TOX4: variants seen among roughly 807,000 people sequenced by gnomAD.
TOX4 encodes the protein TOX high mobility group box family member 4.
Under a neutral mutation model 61.0 loss-of-function variants are expected in TOX4, and 12 were observed. The observed-to-expected ratio is 0.20, with a 90% CI of 0.13 to 0.32. TOX4 has a LOEUF of 0.32. Ranked by LOEUF, TOX4 falls within the 10% of genes least tolerant of loss-of-function variation. The pLI is 1.00. For missense variants in TOX4, 499 were observed against 753.3 expected (o/e 0.66, Z 3.95); for synonymous variants, 268 against 274.8 (o/e 0.98, Z 0.24).
chr14:21,478,352 G>A (rs1309457411), intron 2 of TOX4, among the ~76,000 whole-genome samples: 1 of 152,212 alleles, frequency 6.6e-6, no homozygotes, highest in Non-Finnish European at 1.5e-5. Flanking sequence ...AAAGAGTTGA[G>A]TAGGACATGT....
chr14:21,488,395 G>T (rs1043845478), intron 3 of TOX4, 195 bp from the exon 4 acceptor site: 2 of 616,514 alleles, frequency 3.2e-6, no homozygotes, highest in Admixed American at 3.2e-5. Context: ...TGAGTGCAAA[G>T]AAGTAAATTC....
chr14:21,493,053 A>G lies in TOX4; in HGVS notation c.1437A>G (p.Lys479=). 1 of 1,614,006 alleles carries G rather than the reference A, an allele frequency of 6.2e-7. No homozygotes were observed. ...LQAMQQPPPQ[K]VRINLQQQPP... ...CCATGCAACAGCCTCCACCTCAGAA[A>G]GTTCGAATCAATTTACAGCAACAGC... The change falls in exon 7 of 9, where the codon AAA becomes AAG. Residue 479 remains lysine, a synonymous_variant. Transcript: ENST00000448790.
In TOX4 at chr14:21,496,955, G is replaced by A. The variant is rs141882545; in HGVS notation, c.*349G>A. On this transcript the variant is annotated 3_prime_UTR_variant, in exon 9 of 9. Transcript: ENST00000448790. ...TTGCCTAAAATATTATTAAAATTAC[G>A]GGAGTGTACTCAGCTTTGAGCCTAG... is the stretch of plus-strand genomic sequence containing the variant. The A allele has an allele frequency of 1.1e-4, 24 of 226,768 alleles. No individual in the cohort carries two copies. The highest frequency in any genetic ancestry group is 3.2e-4 in the African/African-American group (14 of 43,866). The allele number at this position is 226,768 out of a possible 1,614,324, so 14.0% of individuals were successfully genotyped here.
chr14:21,493,566 C>T (rs778761644), intron 7 of TOX4, among the ~76,000 whole-genome samples: 18 of 152,060 alleles, frequency 1.2e-4, no homozygotes, highest in Non-Finnish European at 2.4e-4. Context: ...CTCAGCCTCC[C>T]GAGTGGCTGG....
In TOX4 at chr14:21,492,330, A is replaced by C. The variant is rs748499329; in HGVS notation, c.845A>C (p.Glu282Ala). ...AGGAAAACTGAGGCTGCCAAGAAAG[A>C]GTATCTGAAGGCACTGGCTGCTTAC... ...YKRKTEAAKK[E>A]YLKALAAYKD... Residue 282 changes from glutamate (E) to alanine (A), a missense_variant, in exon 6 of 9, where the codon GAG becomes GCG. Coordinates refer to ENST00000448790, the MANE Select transcript of TOX4 (RefSeq NM_014828.4). 1.9e-6 allele frequency: 3 copies of C among 1,614,008 alleles called. No homozygotes were observed. The highest frequency in any genetic ancestry group is 3.3e-5 in the Admixed American group (2 of 60,008).
intron 2 of TOX4, among the ~76,000 whole-genome samples, chr14:21,486,496 CAT>C (rs1891192116): frequency 1.3e-5 from 2 of 151,014 alleles, no homozygotes; most frequent in African/African-American, 2.4e-5. Flanking sequence ...AGGGGATTAC[CAT>C]TATAATTCCC....
In TOX4 at chr14:21,498,058, C is replaced by T. The variant is rs139565757; in HGVS notation, c.*1452C>T. On this transcript the variant is annotated 3_prime_UTR_variant, in exon 9 of 9. Coordinates refer to ENST00000448790, the MANE Select transcript of TOX4 (RefSeq NM_014828.4). The stretch of plus-strand genomic sequence containing the variant: ...ACAGCAACCCAATGAGGTAATACTC[C>T]CATTTCACATATAATACTGAGAGAT... The T allele has an allele frequency of 1.9e-3, 1,075 of 558,066 alleles. 8 individuals carry two copies. The East Asian group carries it at 0.02, about 10-fold the overall frequency. 34.6% of individuals were successfully genotyped at this position (558,066 alleles called of 1,614,324 possible). A position where few individuals can be genotyped will look rare whatever the true frequency, so the allele number is the denominator to read the frequency against.
At chr14:21,492,001 A>G (rs1055698937) in intron 5 of TOX4, 2 of 215,380 alleles carry the variant, frequency 9.3e-6, no homozygotes, top group African/African-American at 4.7e-5. Context: ...AGAGAGCACG[A>G]CTCTGTCTCA....
Position 21,492,316 on chromosome 14 carries a change from G to C in TOX4, c.831G>C (p.Glu277Asp). The C allele has an allele frequency of 6.2e-7, 1 of 1,613,662 alleles. No homozygotes were observed. Among genetic ancestry groups the C allele is most frequent in the Non-Finnish European group, 8.5e-7 (1 of 1,179,910 alleles). Residue 277 changes from glutamate (E) to aspartate (D), a missense_variant, in exon 6 of 9, where the codon GAG becomes GAC. Glu to Asp is a conservative substitution (Grantham distance 45). Transcript: ENST00000448790. ...TGCAGGTATATAAGAGGAAAACTGA[G>C]GCTGCCAAGAAAGAGTATCTGAAGG... ...EQKQVYKRKT[E>D]AAKKEYLKAL...
intron 3 of TOX4, chr14:21,488,308 A>G (rs1336325753): frequency 2.8e-6 from 1 of 363,516 alleles, no homozygotes; most frequent in African/African-American, 2.1e-5. Flanking sequence ...GTCACTACCT[A>G]TATATTACTG....
chr14:21,480,777 A>G (rs919036349), intron 2 of TOX4, among the ~76,000 whole-genome samples: 2 of 152,230 alleles, frequency 1.3e-5, no homozygotes, highest in Admixed American at 1.3e-4. Flanking sequence ...TCTGCAGAGT[A>G]AAAGAAAGAA....
chr14:21,498,937 T>C lies in TOX4; in HGVS notation c.*2331T>C. ...CCTGTGAAGCTCATTTATGGACTAG[T>C]GTAAAACAATGTGAAGCTCTACTAA... On this transcript the variant is annotated 3_prime_UTR_variant, in exon 9 of 9. Transcript: ENST00000448790. 6.9e-6 allele frequency: 6 copies of C among 872,638 alleles called. No homozygotes were observed. Among genetic ancestry groups the C allele is most frequent in the South Asian group, 5.6e-5 (4 of 71,154 alleles). The allele number at this position is 872,638 out of a possible 1,614,324, so 54.1% of individuals were successfully genotyped here.
chr14:21,498,366 G>A lies in TOX4; in HGVS notation c.*1760G>A, dbSNP rs1414103850. On this transcript the variant is annotated 3_prime_UTR_variant, in exon 9 of 9. Transcript: ENST00000448790. Reference sequence around the variant, plus strand: ...TCCCATCCAGTTGGTTTCCAAGGGTGATCCTGAAACAGTGTAAAAGGAGGG... The same window carrying A: ...TCCCATCCAGTTGGTTTCCAAGGGTAATCCTGAAACAGTGTAAAAGGAGGG... 3 of 1,614,032 alleles carry A rather than the reference G, an allele frequency of 1.9e-6. No individual in the cohort carries two copies. Among genetic ancestry groups the A allele is most frequent in the African/African-American group, 1.3e-5 (1 of 74,926 alleles).
intron 1 of TOX4, 79 bp from the exon 2 acceptor site, chr14:21,477,417 G>A: frequency 6.2e-7 from 1 of 1,610,040 alleles, no homozygotes; most frequent in Non-Finnish European, 8.5e-7. Context: ...TTGTCAGAAT[G>A]TCAGGGTCAA....
At position 21,493,084 on chromosome 14, in the gene TOX4, C is replaced by G. The variant is rs1202332075; in HGVS notation, c.1468C>G (p.Pro490Ala). Residue 490 changes from proline to alanine, a missense_variant, in exon 7 of 9, where the codon CCT (proline) becomes GCT (alanine). Transcript: ENST00000448790. Reference sequence around the variant, plus strand: ...AATCAATTTACAGCAACAGCCTCCTCCTCTGCAGATCAAGAGTGTGCCTCT... The same window carrying G: ...AATCAATTTACAGCAACAGCCTCCTGCTCTGCAGATCAAGAGTGTGCCTCT... ...VRINLQQQPP[P>A]LQIKSVPLPT... 8 of 1,614,070 alleles carry G rather than the reference C, an allele frequency of 5.0e-6. No homozygotes were observed. Among genetic ancestry groups the G allele is most frequent in the African/African-American group, 1.3e-5 (1 of 74,922 alleles).
intron 2 of TOX4, 83 bp downstream of exon 2, chr14:21,477,647 G>A: frequency 6.7e-7 from 1 of 1,489,728 alleles, no homozygotes; most frequent in Non-Finnish European, 9.2e-7. Context: ...CACGGACTCC[G>A]GGGACGGGGG....
At position 21,487,459 on chromosome 14, in the gene TOX4, T is replaced by C; in HGVS notation, c.84T>C (p.His28=). 3 of 1,613,940 alleles carry C rather than the reference T, an allele frequency of 1.9e-6. No individual in the cohort carries two copies. The highest frequency in any genetic ancestry group is 2.5e-6 in the Non-Finnish European group (3 of 1,179,820). Residue 28 remains histidine, a synonymous_variant, in exon 3 of 9, where the codon CAT becomes CAC. Coordinates refer to ENST00000448790, the MANE Select transcript of TOX4 (RefSeq NM_014828.4). ...CCTTTTTTCCCCTACAGACATTCCA[T>C]ACACCAAGCTTGGGTGATGAGGAAT... The part of the protein sequence containing the change: ...HPFLSGAETF[H]TPSLGDEEFE...
chr14:21,496,654 T>C lies in TOX4; in HGVS notation c.*48T>C. 6.5e-7 allele frequency: 1 copy of C among 1,550,342 alleles called. No homozygotes were observed. Among genetic ancestry groups the C allele is most frequent in the Non-Finnish European group, 8.9e-7 (1 of 1,126,588 alleles). Reference sequence around the variant, plus strand: ...TGAAGAGTTATCTGCTGGGAAAGTGTCCAAGAGCCTGTTTTTGAAACACAA... The same window carrying C: ...TGAAGAGTTATCTGCTGGGAAAGTGCCCAAGAGCCTGTTTTTGAAACACAA... On this transcript the variant is annotated 3_prime_UTR_variant, in exon 9 of 9. Coordinates refer to ENST00000448790, the MANE Select transcript of TOX4 (RefSeq NM_014828.4).
rs1891399048 is a variant in TOX4 at position 21,496,276 on chromosome 14, C to G, written c.1806-270C>G. The G allele has an allele frequency of 1.8e-5, 5 of 277,360 alleles. No individual in the cohort carries two copies. In the South Asian group the frequency reaches 2.6e-4, roughly 14 times the overall value. 17.2% of individuals were successfully genotyped at this position (277,360 alleles called of 1,614,324 possible). A position where few individuals can be genotyped will look rare whatever the true frequency, so the allele number is the denominator to read the frequency against. On this transcript the variant is annotated intron_variant, in intron 8 of 8. Coordinates refer to ENST00000448790, the MANE Select transcript of TOX4 (RefSeq NM_014828.4). ...GGCGCGGTGGCTCACGCTTGTAATC[C>G]CAGCACTTTGGGAGGCCAAAGCGGG...
Sources: gnomAD v4.1 joint callset for allele counts (sites outside exome capture counted in the v4.1 genomes callset) on GRCh38, gnomAD v4.1.1 for gene constraint, MANE v1.5 for transcripts, NCBI Gene and HGNC (gene_info 2026-07-23, HGNC 2026-07-21) for gene names.